The following PHACTR1 variants were observed in gnomAD, a reference collection of about 807,000 sequenced individuals.
The protein encoded by PHACTR1 is RPEL repeat containing 1.
Under a neutral mutation model 69.2 loss-of-function variants are expected in PHACTR1, and 16 were observed. The observed-to-expected ratio is 0.23, with a 90% CI of 0.16 to 0.35. The LOEUF is 0.35. Ranked by LOEUF, PHACTR1 falls within the 10% of genes least tolerant of loss-of-function variation. PHACTR1 has a pLI of 1.00. For synonymous variants in PHACTR1, 312 were observed against 284.5 expected (o/e 1.10, Z -0.97); for missense variants, 510 against 734.7 (o/e 0.69, Z 3.54).
intron 6 of PHACTR1, among the ~76,000 whole-genome samples, 174 bp downstream of exon 6, chr6:13,160,458 T>C (rs572461613): frequency 3.2e-4 from 48 of 152,326 alleles, no homozygotes; most frequent in African/African-American, 9.6e-4. Flanking sequence ...GCTGAAGCTG[T>C]CAGCATCATA....
intron 4 of PHACTR1, among the ~76,000 whole-genome samples, chr6:13,051,620 C>T (rs908802971): frequency 3.9e-5 from 6 of 152,222 alleles, no homozygotes; most frequent in Non-Finnish European, 8.8e-5. Context: ...GCTTCTCCCT[C>T]TTCCCCTTGC....
intron 4 of PHACTR1, among the ~76,000 whole-genome samples, chr6:12,785,385 T>TAC (rs1213792403): frequency 6.6e-6 from 1 of 152,202 alleles, no homozygotes; most frequent in Non-Finnish European, 1.5e-5. Context: ...GGTTGACACA[T>TAC]ACGGATAGGC....
chr6:12,983,924 A>G (rs1430432274), intron 4 of PHACTR1, among the ~76,000 whole-genome samples: 1 of 152,126 alleles, frequency 6.6e-6, no homozygotes, highest in Non-Finnish European at 1.5e-5. Context: ...TACATGCCAC[A>G]TTTTCTTAAT....
chr6:12,964,324 A>T (rs1298128989), intron 4 of PHACTR1, among the ~76,000 whole-genome samples: 4 of 152,250 alleles, frequency 2.6e-5, no homozygotes, highest in Non-Finnish European at 5.9e-5. Flanking sequence ...AGAACAGAAA[A>T]AAAAGATTAT....
intron 4 of PHACTR1, among the ~76,000 whole-genome samples, chr6:13,043,578 C>T (rs912602332): frequency 1.3e-5 from 2 of 152,190 alleles, no homozygotes; most frequent in Non-Finnish European, 2.9e-5. Flanking sequence ...CCCATTTGGG[C>T]ATATTAGTCT....
At chr6:12,829,130 C>G (rs780717220) in intron 4 of PHACTR1, among the ~76,000 whole-genome samples, 1 of 152,046 alleles carries the variant, frequency 6.6e-6, no homozygotes, top group Non-Finnish European at 1.5e-5. Flanking sequence ...CAAAACAAAA[C>G]AACAACAAGA....
At chr6:12,832,528 T>G (rs1168007460) in intron 4 of PHACTR1, among the ~76,000 whole-genome samples, 1 of 152,052 alleles carries the variant, frequency 6.6e-6, no homozygotes, top group Non-Finnish European at 1.5e-5. Context: ...AGGAAGCACT[T>G]TGGGGTTTTT....
At chr6:12,922,169 G>A (rs534557337) in intron 4 of PHACTR1, among the ~76,000 whole-genome samples, 36 of 152,206 alleles carry the variant, frequency 2.4e-4, no homozygotes, top group African/African-American at 8.4e-4. Context: ...TAATTTCTGG[G>A]TTGCCTTTTA....
In PHACTR1 at chr6:12,746,655, G is replaced by A. The variant is rs1302613008; in HGVS notation, c.104-2989G>A. Among the ~76,000 whole-genome samples the A allele has an allele frequency of 3.3e-5, 5 of 152,182 alleles. No homozygotes were observed. The East Asian group carries it at 9.6e-4, about 29-fold the overall frequency. On this transcript the variant is annotated intron_variant, in intron 3 of 14. Coordinates refer to ENST00000332995, the MANE Select transcript of PHACTR1 (RefSeq NM_030948.6). The stretch of plus-strand genomic sequence containing the variant: ...TAGCCTATAATGAAATAATACAAAA[G>A]TGCATTTAAACTCCTTTGAAGAAGG...
intron 4 of PHACTR1, among the ~76,000 whole-genome samples, chr6:12,824,846 C>A (rs906599985): frequency 2.0e-5 from 3 of 152,120 alleles, no homozygotes; most frequent in African/African-American, 7.2e-5. Context: ...GATTCTGCAA[C>A]CAAAGTACTT....
At chr6:12,992,136 T>C (rs1045223473) in intron 4 of PHACTR1, among the ~76,000 whole-genome samples, 3 of 152,146 alleles carry the variant, frequency 2.0e-5, no homozygotes, top group South Asian at 2.1e-4. Context: ...TCTTCCTTCT[T>C]TCTCCCTTCT....
At chr6:12,944,034 T>C (rs949392706) in intron 4 of PHACTR1, among the ~76,000 whole-genome samples, 46 of 152,260 alleles carry the variant, frequency 3.0e-4, no homozygotes, top group African/African-American at 1.0e-3. Context: ...GTGGGATTAA[T>C]TGGAAACAAT....
chr6:12,971,824 C>T (rs1369807061), intron 4 of PHACTR1, among the ~76,000 whole-genome samples: 1 of 152,144 alleles, frequency 6.6e-6, no homozygotes, highest in African/African-American at 2.4e-5. Context: ...ATACAAAAAG[C>T]ATTTCACAAA....
At chr6:13,050,756 A>C (rs181572541) in intron 4 of PHACTR1, among the ~76,000 whole-genome samples, 7 of 152,240 alleles carry the variant, frequency 4.6e-5, no homozygotes, top group Non-Finnish European at 7.3e-5. Flanking sequence ...TTGAGCTGCC[A>C]TCCTATTCTG....
intron 4 of PHACTR1, among the ~76,000 whole-genome samples, chr6:12,948,102 C>G (rs1168781890): frequency 6.6e-6 from 1 of 152,188 alleles, no homozygotes; most frequent in Non-Finnish European, 1.5e-5. Flanking sequence ...TGGCAACAGA[C>G]TTAGGAGCTG....
At chr6:13,054,025 A>G (rs1806403272) in intron 5 of PHACTR1, among the ~76,000 whole-genome samples, 1 of 152,212 alleles carries the variant, frequency 6.6e-6, no homozygotes, top group Non-Finnish European at 1.5e-5. Context: ...AGTGGCAAAG[A>G]TAACTGTACG....
intron 7 of PHACTR1, among the ~76,000 whole-genome samples, chr6:13,204,839 A>C (rs1361028472): frequency 6.6e-6 from 1 of 152,236 alleles, no homozygotes; most frequent in Non-Finnish European, 1.5e-5. Flanking sequence ...TAAGGTTGGC[A>C]GCAGTAAAGG....
intron 13 of PHACTR1, among the ~76,000 whole-genome samples, chr6:13,284,835 G>C (rs1190463159): frequency 6.6e-6 from 1 of 152,190 alleles, no homozygotes; most frequent in Non-Finnish European, 1.5e-5. Context: ...GACGGAAGCA[G>C]CAAGAGGCAG....
intron 7 of PHACTR1, chr6:13,196,420 C>CTTTTTTTTGTGTTT (rs1764420851): frequency 7.4e-6 from 1 of 135,816 alleles, no homozygotes; most frequent in African/African-American, 3.0e-5. Context: ...GGTTTTCTTT[C>CTTTTTTTTGTGTTT]TTTTTTTTTT....
Sources: allele counts gnomAD v4.1 joint callset (sites outside exome capture counted in the v4.1 genomes callset), GRCh38; gene constraint gnomAD v4.1.1; transcripts MANE v1.5; gene names NCBI Gene and HGNC (gene_info 2026-07-23, HGNC 2026-07-21).